The following NYAP2 variants were observed in gnomAD, a reference collection of about 807,000 sequenced individuals.
NYAP2 encodes the protein neuronal tyrosine-phosphorylated phosphoinositide-3-kinase adapter 2.
NYAP2 carries 23 observed loss-of-function variants against 50.4 expected under a neutral mutation model. That is an observed-to-expected ratio of 0.46 (90% CI 0.33 to 0.65). The LOEUF (loss-of-function observed/expected upper bound fraction) is 0.65. Ranked by LOEUF, NYAP2 falls within the 30% of genes least tolerant of loss-of-function variation. NYAP2 has a pLI of 0.02. For missense variants in NYAP2, 885 were observed against 861.0 expected (o/e 1.03, Z -0.35); for synonymous variants, 394 against 365.2 (o/e 1.08, Z -0.90).
In NYAP2 at chr2:225,582,059, G is replaced by A; in HGVS notation, c.642G>A (p.Lys214=). 6.2e-7 allele frequency: 1 copy of A among 1,614,052 alleles called. No individual in the cohort carries two copies. Among genetic ancestry groups the A allele is most frequent in the South Asian group, 1.1e-5 (1 of 91,084 alleles). ...CTTTCGATGAAACGTACATCAAAAAGCATGGGCCCCGGAGGACGTCGCTGC... is the reference window on the plus strand; with the variant it reads ...CTTTCGATGAAACGTACATCAAAAAACATGGGCCCCGGAGGACGTCGCTGC... The change falls in exon 5 of 7, where the codon AAG becomes AAA. Residue 214 remains lysine, a synonymous_variant. Coordinates refer to ENST00000636099, the Ensembl canonical transcript of NYAP2. The surrounding 1 kb of genome is among the most constrained non-coding windows in gnomAD (Gnocchi z 7.0).
intron 3 of NYAP2, among the ~76,000 whole-genome samples, chr2:225,489,652 T>A (rs1056151324): frequency 6.6e-6 from 1 of 152,172 alleles, no homozygotes; most frequent in Non-Finnish European, 1.5e-5. Flanking sequence ...AATACCCAAC[T>A]TTCTCTAGTA....
At chr2:225,606,468 T>G (rs1692789429) in intron 5 of NYAP2, among the ~76,000 whole-genome samples, 2 of 152,158 alleles carry the variant, frequency 1.3e-5, no homozygotes, top group Admixed American at 6.6e-5. Flanking sequence ...CTATGAGTAT[T>G]AACTCAGTGT....
intron 5 of NYAP2, among the ~76,000 whole-genome samples, chr2:225,585,115 A>T (rs541539385): frequency 1.3e-5 from 2 of 152,266 alleles, no homozygotes; most frequent in Admixed American, 6.5e-5. Context: ...CCTGGTCTAG[A>T]TAATTTACTA....
the NYAP2 span, among the ~76,000 whole-genome samples, chr2:225,683,578 A>C: frequency 6.6e-6 from 1 of 152,176 alleles, no homozygotes; most frequent in Admixed American, 6.5e-5. Flanking sequence ...CTTTTAGTTG[A>C]GACACCAATG....
chr2:225,577,509 G>A (rs552432156), intron 4 of NYAP2, among the ~76,000 whole-genome samples: 2 of 151,898 alleles, frequency 1.3e-5, no homozygotes, highest in East Asian at 3.9e-4. Flanking sequence ...AATACATTAT[G>A]GGACAATGTT....
chr2:225,571,710 T>A (rs1376049969), intron 4 of NYAP2, among the ~76,000 whole-genome samples: 1 of 152,216 alleles, frequency 6.6e-6, no homozygotes, highest in Admixed American at 6.5e-5. Flanking sequence ...TGGGAGGGGA[T>A]GCTGTGAAGG....
chr2:225,534,284 C>G (rs1212916551), intron 4 of NYAP2, among the ~76,000 whole-genome samples: 5 of 152,282 alleles, frequency 3.3e-5, no homozygotes, highest in Non-Finnish European at 7.3e-5. Context: ...GAATACTAAC[C>G]GTAGCCATTG....
rs1332942967 is a variant in NYAP2 at position 225,473,295 on chromosome 2, A to G, written c.222-40076A>G. 4.6e-5 allele frequency among the ~76,000 whole-genome samples: 7 copies of G among 152,336 alleles called. No homozygotes were observed. In the East Asian group the frequency reaches 1.2e-3, roughly 25 times the overall value. ...CGTGTGCATGTGTCTTTATAGCAGCATGATTTATAATCCTTTGGGTATATA... is the reference window on the plus strand; with the variant it reads ...CGTGTGCATGTGTCTTTATAGCAGCGTGATTTATAATCCTTTGGGTATATA... On this transcript the variant is annotated intron_variant, in intron 3 of 6. Transcript: ENST00000636099.
intron 6 of NYAP2, among the ~76,000 whole-genome samples, chr2:225,645,633 C>T (rs879337533): frequency 6.6e-6 from 1 of 152,076 alleles, no homozygotes; most frequent in Non-Finnish European, 1.5e-5. Context: ...GAAATATTTC[C>T]TTGGACTTAG....
the NYAP2 span, chr2:225,698,529 G>C: frequency 6.6e-6 from 1 of 152,260 alleles, no homozygotes; most frequent in Non-Finnish European, 1.5e-5. Flanking sequence ...CGGTATTCTG[G>C]GATACTGCCA....
At chr2:225,477,662 T>C (rs1690140004) in intron 3 of NYAP2, among the ~76,000 whole-genome samples, 1 of 152,164 alleles carries the variant, frequency 6.6e-6, no homozygotes, top group South Asian at 2.1e-4. Context: ...AATCTTCTTC[T>C]CTCTCACTGC....
chr2:225,496,544 T>C lies in NYAP2; in HGVS notation c.222-16827T>C, dbSNP rs141378722. Among the ~76,000 whole-genome samples the C allele has an allele frequency of 4.2e-3, 638 of 152,238 alleles. 5 individuals carry two copies. Among genetic ancestry groups the C allele is most frequent in the African/African-American group, 0.015 (607 of 41,540 alleles). ...CTCTTTAAGAAAAAACTGAAACAGA[T>C]GGCCACAAATGAGTTATAAATGGAA... On this transcript the variant is annotated intron_variant, in intron 3 of 6. Coordinates refer to ENST00000636099, the Ensembl canonical transcript of NYAP2.
intron 6 of NYAP2, among the ~76,000 whole-genome samples, chr2:225,641,460 CACACACACAA>C (rs1343963654): frequency 5.2e-5 from 6 of 116,186 alleles, no homozygotes; most frequent in African/African-American, 1.6e-4. Context: ...CACACACACA[CACACACACAA>C]ACACACACAC....
intron 4 of NYAP2, among the ~76,000 whole-genome samples, chr2:225,561,081 C>T (rs1691863994): frequency 2.0e-5 from 3 of 151,698 alleles, no homozygotes; most frequent in Admixed American, 6.6e-5. Context: ...CTTATGTTCT[C>T]GTGGGAAGAG....
the NYAP2 span, among the ~76,000 whole-genome samples, chr2:225,693,870 C>T: frequency 6.6e-6 from 1 of 152,020 alleles, no homozygotes. Flanking sequence ...TAGCTTTCCA[C>T]ACTGTACTTT....
rs773448287 is a variant in NYAP2, at chr2:225,582,440, C to T, written c.1023C>T (p.Pro341=). Residue 341 remains proline, a synonymous_variant, in exon 5 of 7, where the codon CCC becomes CCT. Coordinates refer to ENST00000636099, the Ensembl canonical transcript of NYAP2. This position sits in a 1 kb window ranked among gnomAD's most constrained non-coding sequence, Gnocchi z 7.0. ...GACCCCCGCTGCTGGTATTTCCCCC[C>T]GCCCCCGTGCATTGCTCCCCCAACT... 39 of 1,565,920 alleles carry T rather than the reference C, an allele frequency of 2.5e-5. No individual in the cohort carries two copies. The Admixed American group carries it at 6.3e-4, about 25-fold the overall frequency.
At chr2:225,427,613 A>G (rs1695306039) in intron 3 of NYAP2, among the ~76,000 whole-genome samples, 1 of 152,204 alleles carries the variant, frequency 6.6e-6, no homozygotes, top group Admixed American at 6.5e-5. Flanking sequence ...CCCAAGTGGT[A>G]TCTCACTGAA....
the NYAP2 span, among the ~76,000 whole-genome samples, chr2:225,665,281 A>T: frequency 5.3e-5 from 8 of 152,060 alleles, no homozygotes; most frequent in African/African-American, 1.9e-4. Context: ...GTGATTTAGC[A>T]CTTGTTACAT....
chr2:225,652,204 T>G (rs1477808689), exon 7 of NYAP2: 1 of 152,108 alleles, frequency 6.6e-6, no homozygotes, highest in Non-Finnish European at 1.5e-5. Flanking sequence ...ACAATTTGAC[T>G]GGCCAGACAA....
Sources: allele counts gnomAD v4.1 joint callset (sites outside exome capture counted in the v4.1 genomes callset), GRCh38; gene constraint gnomAD v4.1.1; non-coding constraint Gnocchi (gnomAD v3.1); transcripts MANE v1.5; gene names NCBI Gene and HGNC (gene_info 2026-07-23, HGNC 2026-07-21).